Variants in PRKCB observed in about 807,000 individuals in gnomAD.
PRKCB encodes protein kinase C beta.
In PRKCB, 13 loss-of-function variants were observed where a neutral mutation model predicts 81.5. That is an observed-to-expected ratio of 0.16 (90% CI 0.10 to 0.25). The LOEUF (loss-of-function observed/expected upper bound fraction) is 0.25, where lower values mean the gene tolerates loss of function less well. Among genes scored for constraint, PRKCB ranks in the 10% least tolerant of loss-of-function variants. The pLI, the probability that PRKCB is intolerant of heterozygous loss-of-function variation, is 1.00. For synonymous variants in PRKCB, 335 were observed against 321.4 expected (o/e 1.04, Z -0.45); for missense variants, 509 against 875.7 (o/e 0.58, Z 5.29).
chr16:24,021,573 G>A (rs1402909865), intron 3 of PRKCB, among the ~76,000 whole-genome samples: 5 of 151,772 alleles, frequency 3.3e-5, no homozygotes, highest in East Asian at 1.9e-4. Context: ...GAGTGTTATT[G>A]TCTATAACCC....
At chr16:23,888,500 C>T (rs949725484) in intron 2 of PRKCB, among the ~76,000 whole-genome samples, 6 of 152,206 alleles carry the variant, frequency 3.9e-5, no homozygotes, top group African/African-American at 1.2e-4. Flanking sequence ...ACCCAGGAAG[C>T]TGAATGCTGT....
At chr16:24,202,051 GA>G (rs1403035721) in intron 16 of PRKCB, among the ~76,000 whole-genome samples, 4 of 146,450 alleles carry the variant, frequency 2.7e-5, no homozygotes, top group Non-Finnish European at 6.0e-5. Flanking sequence ...AAAAAAAAAA[GA>G]AAAAAAGAAA....
At chr16:23,995,569 A>G (rs186871027) in intron 3 of PRKCB, among the ~76,000 whole-genome samples, 45 of 152,236 alleles carry the variant, frequency 3.0e-4, no homozygotes, top group African/African-American at 1.1e-3. Context: ...GGGCCACTAA[A>G]TTGCCGTATG....
At position 24,157,495 on chromosome 16, in the gene PRKCB, G is replaced by T. The variant is rs113961457; in HGVS notation, c.1239+2638G>T. Reference sequence around the variant, plus strand: ...TGCTGCCACGTGAAGAAAGACACGTGTGCTTCCCTTTCTGCCATGATTGTA... The same window carrying T: ...TGCTGCCACGTGAAGAAAGACACGTTTGCTTCCCTTTCTGCCATGATTGTA... On this transcript the variant is annotated intron_variant, in intron 10 of 16. Coordinates refer to ENST00000643927, the MANE Select transcript of PRKCB (RefSeq NM_002738.7). Among the ~76,000 whole-genome samples, 295 of 151,160 alleles carry T rather than the reference G, an allele frequency of 2.0e-3. 1 individual carries two copies. The highest frequency in any genetic ancestry group is 7.0e-3 in the African/African-American group (287 of 41,082).
chr16:23,954,922 A>G (rs1964330170), intron 2 of PRKCB, among the ~76,000 whole-genome samples: 1 of 152,180 alleles, frequency 6.6e-6, no homozygotes, highest in Non-Finnish European at 1.5e-5. Flanking sequence ...GATTACACAT[A>G]TGCAGGTGTG....
rs753829465 is a variant in PRKCB, at chr16:23,836,253, C to G, written c.78C>G (p.Leu26=). The G allele has an allele frequency of 3.7e-6, 6 of 1,602,594 alleles. No homozygotes were observed. In the South Asian group the frequency reaches 6.6e-5, roughly 18 times the overall value. Reference sequence around the variant, plus strand: ...TGCGCTTCGCCCGCAAAGGCGCCCTCCGGCAGAAGAACGTGCATGAGGTCA... The same window carrying G: ...TGCGCTTCGCCCGCAAAGGCGCCCTGCGGCAGAAGAACGTGCATGAGGTCA... ...STVRFARKGA[L]RQKNVHEVKN... is the part of the protein sequence containing the mutation. Residue 26 remains leucine (L), a synonymous_variant, in exon 1 of 17, where the codon CTC becomes CTG. Transcript: ENST00000643927.
chr16:24,047,472 G>A (rs187972886), intron 5 of PRKCB, among the ~76,000 whole-genome samples: 1 of 152,000 alleles, frequency 6.6e-6, no homozygotes, highest in African/African-American at 2.4e-5. Flanking sequence ...TGGTGGCTGC[G>A]GTGAGCTATG....
rs561346347 is a variant in PRKCB, at chr16:23,977,390, C to G, written c.206-11118C>G. On this transcript the variant is annotated intron_variant, in intron 2 of 16. Coordinates refer to ENST00000643927, the MANE Select transcript of PRKCB (RefSeq NM_002738.7). ...AACGTACTGATGCCTGCCCACCACC[C>G]TCTCCTCACAGCCCCATTAAATCAG... Among the ~76,000 whole-genome samples, 3 of 152,278 alleles carry G rather than the reference C, an allele frequency of 2.0e-5. No individual in the cohort carries two copies. In the South Asian group the frequency reaches 6.2e-4, roughly 32 times the overall value.
intron 7 of PRKCB, among the ~76,000 whole-genome samples, chr16:24,096,659 AAAAAAAAATATATATAT>A (rs1440159875): frequency 2.0e-5 from 1 of 49,756 alleles, no homozygotes; most frequent in East Asian, 7.7e-4. Flanking sequence ...TGGCAAAAAA[AAAAAAAAATATATATAT>A]ATATATATAT....
chr16:24,134,106 C>T (rs546183601), intron 9 of PRKCB, among the ~76,000 whole-genome samples: 2 of 152,138 alleles, frequency 1.3e-5, no homozygotes, highest in East Asian at 3.9e-4. Flanking sequence ...CTTTGTTGCC[C>T]AGGCTGGTCT....
At chr16:24,208,378 A>T (rs1246402724) in intron 16 of PRKCB, 1 of 152,284 alleles carries the variant, frequency 6.6e-6, no homozygotes, top group African/African-American at 2.4e-5. Context: ...TGAAACAGAA[A>T]TTAAAAGAGA....
intron 2 of PRKCB, among the ~76,000 whole-genome samples, chr16:23,862,016 C>T (rs764040155): frequency 6.6e-6 from 1 of 152,176 alleles, no homozygotes; most frequent in Non-Finnish European, 1.5e-5. Flanking sequence ...TGAATCATTG[C>T]TCCTCCCCCT....
intron 2 of PRKCB, among the ~76,000 whole-genome samples, chr16:23,878,097 G>T (rs1963046531): frequency 6.6e-6 from 1 of 152,194 alleles, no homozygotes; most frequent in African/African-American, 2.4e-5. Flanking sequence ...GCCTCCCAAA[G>T]TGCTGTAATT....
chr16:24,114,064 A>C (rs1966709355), intron 8 of PRKCB, among the ~76,000 whole-genome samples: 1 of 151,212 alleles, frequency 6.6e-6, no homozygotes, highest in Non-Finnish European at 1.5e-5. Flanking sequence ...TAAAAATACA[A>C]AAAAATTAGC....
chr16:23,976,400 T>C (rs929236761), intron 2 of PRKCB, among the ~76,000 whole-genome samples: 1 of 152,160 alleles, frequency 6.6e-6, no homozygotes, highest in Non-Finnish European at 1.5e-5. Context: ...TCTTTCCTAA[T>C]AATTCCAGCA....
At chr16:23,841,221 G>A (rs761978279) in intron 2 of PRKCB, among the ~76,000 whole-genome samples, 1 of 151,810 alleles carries the variant, frequency 6.6e-6, no homozygotes, top group African/African-American at 2.4e-5. Flanking sequence ...CTGGGATTAC[G>A]GGGGCCTGCC....
rs2141998793 is a variant in PRKCB, at chr16:24,219,648, A to G, written c.*4832A>G. On this transcript the variant is annotated 3_prime_UTR_variant, in exon 17 of 17. Transcript: ENST00000643927. The stretch of plus-strand genomic sequence containing the variant: ...TCAATTCATCCTAAAGCCAAAGAAA[A>G]TACAGCAACACACACACACACACAC... The G allele has an allele frequency of 9.3e-7, 1 of 1,075,454 alleles. No homozygotes were observed. The highest frequency in any genetic ancestry group is 1.8e-5 in the African/African-American group (1 of 55,370). 66.6% of individuals were successfully genotyped at this position (1,075,454 alleles called of 1,614,324 possible).
At position 24,218,422 on chromosome 16, in the gene PRKCB, C is replaced by A; in HGVS notation, c.*3606C>A. The A allele has an allele frequency of 7.1e-6, 7 of 985,290 alleles. No homozygotes were observed. The highest frequency in any genetic ancestry group is 7.2e-6 in the Non-Finnish European group (6 of 829,960). The allele number at this position is 985,290 out of a possible 1,614,324, so 61.0% of individuals were successfully genotyped here. A position where few individuals can be genotyped will look rare whatever the true frequency, so the allele number is the denominator to read the frequency against. On this transcript the variant is annotated 3_prime_UTR_variant, in exon 17 of 17. Coordinates refer to ENST00000643927, the MANE Select transcript of PRKCB (RefSeq NM_002738.7). ...CAGGTGGGACATGGTAGAGATGGAC[C>A]CTACCCAGGAAACAGCTCCATCAGC...
intron 2 of PRKCB, among the ~76,000 whole-genome samples, chr16:23,913,285 C>A (rs1963689543): frequency 6.6e-6 from 1 of 152,004 alleles, no homozygotes; most frequent in Admixed American, 6.6e-5. Flanking sequence ...GTTCCCAGTT[C>A]TCTTCCTTTC....
Sources: gnomAD v4.1 joint callset for allele counts (sites outside exome capture counted in the v4.1 genomes callset) on GRCh38, gnomAD v4.1.1 for gene constraint, MANE v1.5 for transcripts, NCBI Gene and HGNC (gene_info 2026-07-23, HGNC 2026-07-21) for gene names.